The following MBOAT1 variants were observed in gnomAD, a reference collection of about 807,000 sequenced individuals.
MBOAT1 encodes membrane bound glycerophospholipid O-acyltransferase 1, also known as membrane-bound glycerophospholipid O-acyltransferase 1.
A neutral mutation model predicts 64.4 loss-of-function variants in MBOAT1; 67 were observed. The ratio of observed to expected loss-of-function variants is 1.04; its 90% confidence interval spans 0.85 to 1.27. The LOEUF (loss-of-function observed/expected upper bound fraction) is 1.27. Among genes scored for constraint, MBOAT1 ranks in the 50% most tolerant of loss-of-function variants. MBOAT1 has a pLI of 0.00. For missense variants in MBOAT1, 563 were observed against 604.6 expected (o/e 0.93, Z 0.72); for synonymous variants, 229 against 218.9 (o/e 1.05, Z -0.41).
intron 4 of MBOAT1, among the ~76,000 whole-genome samples, chr6:20,139,317 G>A (rs949819969): frequency 3.9e-5 from 6 of 152,096 alleles, no homozygotes; most frequent in African/African-American, 1.2e-4. Flanking sequence ...TTGTAGAGAC[G>A]GGGTTTCACC....
chr6:20,193,431 C>T (rs900729386), intron 1 of MBOAT1, among the ~76,000 whole-genome samples: 2 of 151,986 alleles, frequency 1.3e-5, no homozygotes, highest in Non-Finnish European at 2.9e-5. Context: ...TTTCCAAGGT[C>T]GGAACTTAAT....
chr6:20,151,137 CA>C, intron 3 of MBOAT1, 47 bp downstream of exon 3: 71 of 1,392,552 alleles, frequency 5.1e-5, no homozygotes, highest in Middle Eastern at 1.8e-4. Context: ...TCAAAGATCA[CA>C]AAAAAAAGAA....
chr6:20,193,058 T>A (rs999164170), intron 1 of MBOAT1, among the ~76,000 whole-genome samples: 2 of 129,986 alleles, frequency 1.5e-5, no homozygotes, highest in African/African-American at 5.7e-5. Flanking sequence ...CAGGCTGGAG[T>A]GCAGTGGCGA....
At chr6:20,157,043 G>A (rs1196266506) in intron 1 of MBOAT1, among the ~76,000 whole-genome samples, 1 of 152,132 alleles carries the variant, frequency 6.6e-6, no homozygotes, top group Non-Finnish European at 1.5e-5. Flanking sequence ...AGCACTCCGG[G>A]AGGCTAAGGT....
chr6:20,207,856 C>T (rs920838298), intron 1 of MBOAT1, among the ~76,000 whole-genome samples: 4 of 152,232 alleles, frequency 2.6e-5, no homozygotes, highest in East Asian at 1.9e-4. Flanking sequence ...GCAGTGCCTA[C>T]GCAGGTCTGT....
At chr6:20,201,653 T>C (rs1022335224) in intron 1 of MBOAT1, among the ~76,000 whole-genome samples, 7 of 151,496 alleles carry the variant, frequency 4.6e-5, no homozygotes, top group Admixed American at 1.3e-4. Flanking sequence ...TGATCTCAGC[T>C]CAGTGCAACC....
chr6:20,194,840 T>C (rs140233158), intron 1 of MBOAT1, among the ~76,000 whole-genome samples: 19 of 152,346 alleles, frequency 1.2e-4, no homozygotes, highest in African/African-American at 4.6e-4. Flanking sequence ...ATTTTCTCTA[T>C]TTATTTGCCT....
chr6:20,191,340 A>G (rs1762794836), intron 1 of MBOAT1, among the ~76,000 whole-genome samples: 1 of 152,186 alleles, frequency 6.6e-6, no homozygotes, highest in Admixed American at 6.5e-5. Context: ...TATTGTTTAC[A>G]ATTTACCCGG....
At chr6:20,107,337 G>A (rs1408223412) in intron 12 of MBOAT1, among the ~76,000 whole-genome samples, 2 of 152,072 alleles carry the variant, frequency 1.3e-5, no homozygotes, top group Non-Finnish European at 2.9e-5. Context: ...GCTACATGAC[G>A]GGGCTTTTCC....
At chr6:20,206,012 C>A (rs1216773360) in intron 1 of MBOAT1, among the ~76,000 whole-genome samples, 1 of 152,130 alleles carries the variant, frequency 6.6e-6, no homozygotes, top group Non-Finnish European at 1.5e-5. Context: ...TCCTTCTCCC[C>A]CTCCTGTGTG....
intron 4 of MBOAT1, among the ~76,000 whole-genome samples, chr6:20,133,603 C>T (rs1760895764): frequency 6.6e-6 from 1 of 152,168 alleles, no homozygotes; most frequent in South Asian, 2.1e-4. Flanking sequence ...ACCAGCCTTC[C>T]TTATACAAAG....
chr6:20,185,943 A>G (rs1762638911), intron 1 of MBOAT1, among the ~76,000 whole-genome samples: 1 of 152,138 alleles, frequency 6.6e-6, no homozygotes, highest in African/African-American at 2.4e-5. Context: ...ATGCTTTGGG[A>G]GGCTGAGGTG....
At chr6:20,113,349 A>C (rs183594629) in intron 10 of MBOAT1, among the ~76,000 whole-genome samples, 2 of 152,276 alleles carry the variant, frequency 1.3e-5, no homozygotes, top group African/African-American at 2.4e-5. Context: ...ACAGACGCTT[A>C]CTCCACCAAT....
At chr6:20,102,452 G>T in intron 12 of MBOAT1, 40 bp from the exon 13 acceptor site, 1 of 1,538,748 alleles carries the variant, frequency 6.5e-7, no homozygotes. Context: ...TTCAAATAAG[G>T]ATGTAGATGG....
intron 1 of MBOAT1, among the ~76,000 whole-genome samples, chr6:20,192,729 A>C (rs2113758027): frequency 6.6e-6 from 1 of 152,312 alleles, no homozygotes; most frequent in East Asian, 1.9e-4. Context: ...TATTCATAAC[A>C]ACCCCTTCAT....
chr6:20,176,795 T>TA (rs1256190745), intron 1 of MBOAT1, among the ~76,000 whole-genome samples: 53 of 152,210 alleles, frequency 3.5e-4, no homozygotes, highest in African/African-American at 1.2e-3. Flanking sequence ...AGCTAGTTTT[T>TA]GTATTTTTAG....
chr6:20,209,922 G>A (rs1186527405), intron 1 of MBOAT1, among the ~76,000 whole-genome samples: 1 of 152,174 alleles, frequency 6.6e-6, no homozygotes, highest in African/African-American at 2.4e-5. Context: ...CTCCAGGCAG[G>A]TCCAGCTCTC....
intron 1 of MBOAT1, among the ~76,000 whole-genome samples, chr6:20,193,639 G>A (rs1354963751): frequency 1.3e-4 from 18 of 137,836 alleles, no homozygotes; most frequent in South Asian, 9.0e-4. Flanking sequence ...ATGGAGTCTC[G>A]CTCTGTCACC....
intron 1 of MBOAT1, among the ~76,000 whole-genome samples, chr6:20,169,976 G>T (rs1762143433): frequency 6.6e-6 from 1 of 152,028 alleles, no homozygotes; most frequent in Admixed American, 6.5e-5. Context: ...CCCAGTCTTG[G>T]CCTGCCATGA....
Sources: allele counts gnomAD v4.1 joint callset (sites outside exome capture counted in the v4.1 genomes callset), GRCh38; gene constraint gnomAD v4.1.1; transcripts MANE v1.5; gene names NCBI Gene and HGNC (gene_info 2026-07-23, HGNC 2026-07-21).